The following CTNNA3 variants were observed in gnomAD, a reference collection of about 807,000 sequenced individuals.
CTNNA3 encodes catenin alpha 3.
CTNNA3 carries 76 observed loss-of-function variants against 95.7 expected under a neutral mutation model. The ratio of observed to expected loss-of-function variants is 0.79; its 90% CI spans 0.66 to 0.96. The LOEUF (loss-of-function observed/expected upper bound fraction) is 0.96. Among genes scored for constraint, CTNNA3 ranks in the 40% least tolerant of loss-of-function variants. CTNNA3 has a pLI of 0.00. For synonymous variants in CTNNA3, 431 were observed against 374.4 expected (o/e 1.15, Z -1.74); for missense variants, 1,191 against 1,089.8 (o/e 1.09, Z -1.31).
chr10:66,574,703 T>C (rs1842957996), intron 10 of CTNNA3, among the ~76,000 whole-genome samples: 2 of 152,088 alleles, frequency 1.3e-5, no homozygotes, highest in Non-Finnish European at 1.5e-5. Context: ...TTAGGAAATA[T>C]AATTTTCCAT....
rs542912607 is a variant in CTNNA3 at position 66,497,536 on chromosome 10, A to G, written c.1531+23081T>C. ...AGGGCTAATTTTTCATTTAATTATA[A>G]TTCATTTCACCATATTGAGATAACT... On this transcript the variant is annotated intron_variant, in intron 11 of 17. Coordinates refer to ENST00000433211, the MANE Select transcript of CTNNA3 (RefSeq NM_013266.4). 1.6e-4 allele frequency among the ~76,000 whole-genome samples: 24 copies of G among 152,192 alleles called. No individual in the cohort carries two copies. The East Asian group carries it at 1.9e-3, about 12-fold the overall frequency.
chr10:67,619,052 C>G (rs1843746550), intron 2 of CTNNA3, among the ~76,000 whole-genome samples: 1 of 152,120 alleles, frequency 6.6e-6, no homozygotes, highest in African/African-American at 2.4e-5. Context: ...ATTGAACCTT[C>G]CATAACCAAG....
At chr10:67,108,704 C>T (rs939575263) in intron 7 of CTNNA3, among the ~76,000 whole-genome samples, 52 of 152,236 alleles carry the variant, frequency 3.4e-4, no homozygotes, top group African/African-American at 1.2e-3. Context: ...TCAGGTCTGT[C>T]TACAGGCTCC....
chr10:66,303,813 T>G (rs1038112147), intron 12 of CTNNA3, among the ~76,000 whole-genome samples: 2 of 152,106 alleles, frequency 1.3e-5, no homozygotes, highest in Non-Finnish European at 2.9e-5. Flanking sequence ...CAGGATGGTC[T>G]TGATCTCCTG....
chr10:66,288,621 C>T (rs2091629689), intron 12 of CTNNA3, among the ~76,000 whole-genome samples: 2 of 152,028 alleles, frequency 1.3e-5, no homozygotes, highest in East Asian at 1.9e-4. Flanking sequence ...TCTAGCCCAC[C>T]ACATATGGCT....
intron 7 of CTNNA3, among the ~76,000 whole-genome samples, chr10:66,786,234 C>T (rs554728567): frequency 6.6e-6 from 1 of 152,088 alleles, no homozygotes; most frequent in African/African-American, 2.4e-5. Context: ...CTTTAATATA[C>T]TCTCCTCAAA....
chr10:66,174,346 T>C (rs2085595428), intron 13 of CTNNA3, among the ~76,000 whole-genome samples: 1 of 152,086 alleles, frequency 6.6e-6, no homozygotes, highest in South Asian at 2.1e-4. Context: ...TTTAATATAT[T>C]TCTTTACAAT....
At chr10:67,312,709 C>A (rs1840863567) in intron 5 of CTNNA3, among the ~76,000 whole-genome samples, 1 of 152,108 alleles carries the variant, frequency 6.6e-6, no homozygotes, top group Non-Finnish European at 1.5e-5. Flanking sequence ...TGGACCGTAA[C>A]AATTTTCTAG....
At chr10:67,736,956 C>T (rs1841306153) in intron 1 of CTNNA3, among the ~76,000 whole-genome samples, 1 of 151,886 alleles carries the variant, frequency 6.6e-6, no homozygotes, top group African/African-American at 2.4e-5. Context: ...TATCAAGTAC[C>T]TTTTTATTTT....
chr10:67,297,462 T>C (rs561031433), intron 5 of CTNNA3, among the ~76,000 whole-genome samples: 1 of 152,330 alleles, frequency 6.6e-6, no homozygotes, highest in East Asian at 1.9e-4. Flanking sequence ...CTTCCCACTG[T>C]CTTTCACGGT....
intron 7 of CTNNA3, among the ~76,000 whole-genome samples, chr10:66,898,654 T>C (rs1845599656): frequency 1.3e-5 from 2 of 152,148 alleles, no homozygotes. Flanking sequence ...AGAACAAAAC[T>C]GGATCCTTAC....
intron 5 of CTNNA3, among the ~76,000 whole-genome samples, chr10:67,321,184 T>C (rs1431258233): frequency 6.6e-6 from 1 of 152,184 alleles, no homozygotes; most frequent in African/African-American, 2.4e-5. Context: ...AGAGAGAAGA[T>C]AAGCACTAAT....
chr10:66,432,969 G>A (rs985596506), intron 11 of CTNNA3, among the ~76,000 whole-genome samples: 47 of 152,266 alleles, frequency 3.1e-4, no homozygotes, highest in African/African-American at 1.1e-3. Context: ...CCCTGCAAAG[G>A]ACAGCAACTC....
intron 13 of CTNNA3, among the ~76,000 whole-genome samples, chr10:66,222,932 C>T (rs2089049565): frequency 6.6e-6 from 1 of 151,922 alleles, no homozygotes; most frequent in South Asian, 2.1e-4. Flanking sequence ...TTTAAAGTTG[C>T]TTTGTAATAA....
intron 7 of CTNNA3, among the ~76,000 whole-genome samples, chr10:66,893,067 A>G (rs1010230982): frequency 6.6e-6 from 1 of 152,116 alleles, no homozygotes; most frequent in African/African-American, 2.4e-5. Flanking sequence ...TAACAGATGA[A>G]TCTGCTCTTC....
intron 5 of CTNNA3, among the ~76,000 whole-genome samples, chr10:67,452,802 T>C (rs1420301659): frequency 6.6e-6 from 1 of 152,202 alleles, no homozygotes; most frequent in Non-Finnish European, 1.5e-5. Flanking sequence ...AATAGCACAG[T>C]AATGTGTTGT....
chr10:67,500,193 A>G (rs1242232286), intron 5 of CTNNA3, among the ~76,000 whole-genome samples: 1 of 152,220 alleles, frequency 6.6e-6, no homozygotes, highest in Non-Finnish European at 1.5e-5. Flanking sequence ...TTATTTACCC[A>G]GTAGTCATTC....
intron 3 of CTNNA3, among the ~76,000 whole-genome samples, chr10:67,574,488 C>A (rs1264887607): frequency 6.6e-6 from 1 of 151,874 alleles, no homozygotes; most frequent in African/African-American, 2.4e-5. Context: ...GCATCCATTC[C>A]ACTTCCTCCC....
chr10:67,704,004 C>A (rs1231186402), intron 1 of CTNNA3, among the ~76,000 whole-genome samples: 1 of 152,180 alleles, frequency 6.6e-6, no homozygotes, highest in Non-Finnish European at 1.5e-5. Flanking sequence ...AGAGCCAAAT[C>A]ATGAGTGAAC....
Sources: allele counts gnomAD v4.1 joint callset (sites outside exome capture counted in the v4.1 genomes callset), GRCh38; gene constraint gnomAD v4.1.1; transcripts MANE v1.5; gene names NCBI Gene and HGNC (gene_info 2026-07-23, HGNC 2026-07-21).